The following KLHL1 variants were observed in gnomAD, a reference collection of about 807,000 sequenced individuals.
The protein encoded by KLHL1 is kelch like family member 1.
In KLHL1, 47 loss-of-function variants were observed where a neutral mutation model predicts 77.7. The observed-to-expected ratio is 0.60, with a 90% CI of 0.48 to 0.77. KLHL1 has a LOEUF of 0.77. Among genes scored for constraint, KLHL1 ranks in the 30% least tolerant of loss-of-function variants. The pLI is 0.00. For synonymous variants in KLHL1, 360 were observed against 325.2 expected (o/e 1.11, Z -1.15); for missense variants, 925 against 910.8 (o/e 1.02, Z -0.20).
intron 2 of KLHL1, among the ~76,000 whole-genome samples, chr13:69,969,417 A>T (rs1156757999): frequency 6.6e-6 from 1 of 152,122 alleles, no homozygotes; most frequent in African/African-American, 2.4e-5. Context: ...TACCAATTAG[A>T]TAAATTAGTG....
intron 4 of KLHL1, among the ~76,000 whole-genome samples, chr13:69,936,736 C>T (rs1016937042): frequency 2.6e-5 from 4 of 151,818 alleles, no homozygotes; most frequent in African/African-American, 7.3e-5. Flanking sequence ...TTTAAACAGC[C>T]ATTGAAAAAA....
At chr13:69,755,649 A>T (rs60167101) in intron 7 of KLHL1, among the ~76,000 whole-genome samples, 35,572 of 146,054 alleles carry the variant, frequency 0.24, 4,334 homozygotes, top group South Asian at 0.3. Flanking sequence ...AAGTAATTTT[A>T]AAAAAAAAGC....
chr13:70,092,559 T>C (rs1887694245), intron 1 of KLHL1, among the ~76,000 whole-genome samples: 1 of 152,186 alleles, frequency 6.6e-6, no homozygotes, highest in Non-Finnish European at 1.5e-5. Context: ...GATACAAAGT[T>C]TAATTAATGA....
At chr13:70,104,434 T>C (rs1887997589) in intron 1 of KLHL1, among the ~76,000 whole-genome samples, 1 of 152,160 alleles carries the variant, frequency 6.6e-6, no homozygotes. Flanking sequence ...ATTCTGAGAT[T>C]GTGAGCAACT....
intron 7 of KLHL1, among the ~76,000 whole-genome samples, chr13:69,762,938 T>C (rs1295478429): frequency 6.6e-6 from 1 of 152,026 alleles, no homozygotes; most frequent in Non-Finnish European, 1.5e-5. Context: ...GTAATTTTCT[T>C]GCTCCATAAT....
At chr13:69,712,755 TTTTTG>T in intron 9 of KLHL1, among the ~76,000 whole-genome samples, 1 of 72,114 alleles carries the variant, frequency 1.4e-5, no homozygotes, top group African/African-American at 5.3e-5. Context: ...TTTTGTTTGT[TTTTTG>T]TTTTTTTTTT....
chr13:69,812,388 G>A (rs1186760235), intron 6 of KLHL1, among the ~76,000 whole-genome samples: 1 of 151,998 alleles, frequency 6.6e-6, no homozygotes, highest in East Asian at 1.9e-4. Context: ...AAAACCTAGG[G>A]AATACCATTC....
intron 6 of KLHL1, among the ~76,000 whole-genome samples, chr13:69,817,693 C>A (rs1392206773): frequency 6.6e-6 from 1 of 152,126 alleles, no homozygotes; most frequent in East Asian, 1.9e-4. Context: ...CACACTCAGA[C>A]TTATTACCCC....
At chr13:69,934,315 T>C (rs879823765) in intron 4 of KLHL1, among the ~76,000 whole-genome samples, 5 of 152,166 alleles carry the variant, frequency 3.3e-5, no homozygotes, top group Non-Finnish European at 5.9e-5. Flanking sequence ...TCTCCGAATA[T>C]GTGGATGTGA....
intron 7 of KLHL1, among the ~76,000 whole-genome samples, chr13:69,762,131 G>A (rs1875056142): frequency 6.6e-6 from 1 of 152,032 alleles, no homozygotes; most frequent in Admixed American, 6.6e-5. Flanking sequence ...TTCCCTCATG[G>A]GGCATTTCTA....
chr13:69,813,495 C>A (rs1877985618), intron 6 of KLHL1, among the ~76,000 whole-genome samples: 1 of 150,740 alleles, frequency 6.6e-6, no homozygotes, highest in South Asian at 2.1e-4. Context: ...CACACACACA[C>A]ACACACACAT....
chr13:69,945,003 T>TC (rs1883476177), intron 3 of KLHL1, among the ~76,000 whole-genome samples: 5 of 133,208 alleles, frequency 3.8e-5, no homozygotes, highest in Non-Finnish European at 6.1e-5. Context: ...TTTTTTTTTT[T>TC]CAGATGGAGT....
intron 6 of KLHL1, among the ~76,000 whole-genome samples, chr13:69,808,138 C>T (rs967973148): frequency 5.3e-5 from 8 of 152,100 alleles, no homozygotes; most frequent in Non-Finnish European, 1.0e-4. Context: ...TCTTTCCCCC[C>T]ACACCCCACC....
intron 1 of KLHL1, among the ~76,000 whole-genome samples, chr13:70,067,608 G>A (rs763329406): frequency 2.6e-5 from 4 of 151,220 alleles, no homozygotes; most frequent in Admixed American, 6.6e-5. Context: ...GGCGGTCTTA[G>A]TACAGGGGCT....
chr13:69,832,577 A>G (rs927520820), intron 6 of KLHL1, among the ~76,000 whole-genome samples: 16 of 136,478 alleles, frequency 1.2e-4, no homozygotes, highest in Non-Finnish European at 2.4e-4. Flanking sequence ...TTCATTCTTC[A>G]TAGAACTTAA....
intron 1 of KLHL1, among the ~76,000 whole-genome samples, chr13:70,086,297 A>G (rs993403099): frequency 6.6e-6 from 1 of 151,048 alleles, no homozygotes; most frequent in African/African-American, 2.4e-5. Flanking sequence ...AAAAAAGTAG[A>G]CCTGGCTGGG....
intron 6 of KLHL1, among the ~76,000 whole-genome samples, chr13:69,801,502 T>C (rs185223133): frequency 5.6e-4 from 86 of 152,288 alleles, no homozygotes; most frequent in African/African-American, 2.0e-3. Context: ...TTAGCTTTAG[T>C]AGGCAATTAT....
At chr13:69,986,034 T>G (rs1011255360) in intron 1 of KLHL1, among the ~76,000 whole-genome samples, 1 of 151,330 alleles carries the variant, frequency 6.6e-6, no homozygotes, top group Admixed American at 6.6e-5. Flanking sequence ...TGGAATACTA[T>G]TCATACCCTC....
At chr13:69,890,163 T>C (rs930001955) in intron 4 of KLHL1, among the ~76,000 whole-genome samples, 2 of 152,004 alleles carry the variant, frequency 1.3e-5, no homozygotes, top group Admixed American at 6.6e-5. Context: ...AATTTAGTGA[T>C]TTGAAGAGGG....
Sources: gnomAD v4.1 joint callset for allele counts (sites outside exome capture counted in the v4.1 genomes callset) on GRCh38, gnomAD v4.1.1 for gene constraint, MANE v1.5 for transcripts, NCBI Gene and HGNC (gene_info 2026-07-23, HGNC 2026-07-21) for gene names.